Variants in GABRG3 observed in about 807,000 individuals in gnomAD.
The protein encoded by GABRG3 is gamma-aminobutyric acid receptor subunit gamma-3.
In GABRG3, 25 loss-of-function variants were observed where a neutral mutation model predicts 48.8. The observed-to-expected ratio is 0.51, with a 90% CI of 0.37 to 0.72. GABRG3 has a LOEUF of 0.72. GABRG3 is among the 30% of genes least tolerant of loss of function. The pLI, the probability that GABRG3 is intolerant of heterozygous loss-of-function variation, is 0.00. For synonymous variants in GABRG3, 227 were observed against 217.6 expected (o/e 1.04, Z -0.38); for missense variants, 394 against 577.9 (o/e 0.68, Z 3.26).
chr15:27,152,873 T>A (rs1898344123), intron 3 of GABRG3, among the ~76,000 whole-genome samples: 1 of 151,442 alleles, frequency 6.6e-6, no homozygotes, highest in Non-Finnish European at 1.5e-5. Flanking sequence ...TTTTTTTTTT[T>A]TTTTTGAGAT....
chr15:27,128,863 A>G (rs1046064951), intron 3 of GABRG3, among the ~76,000 whole-genome samples: 6 of 152,290 alleles, frequency 3.9e-5, no homozygotes, highest in South Asian at 2.1e-4. Context: ...GGTCAATTGG[A>G]TATTTTTAAT....
intron 5 of GABRG3, among the ~76,000 whole-genome samples, chr15:27,440,787 A>G (rs1253553178): frequency 2.0e-5 from 3 of 152,250 alleles, no homozygotes; most frequent in Admixed American, 2.0e-4. Flanking sequence ...AGGCAATATC[A>G]ATGGAACATA....
intron 5 of GABRG3, among the ~76,000 whole-genome samples, chr15:27,463,861 T>C (rs1397542672): frequency 6.6e-6 from 1 of 152,116 alleles, no homozygotes. Flanking sequence ...CCAACTTCTC[T>C]CTTCGCTCTT....
chr15:27,306,735 A>G (rs1466394147), intron 3 of GABRG3, among the ~76,000 whole-genome samples: 3 of 127,892 alleles, frequency 2.3e-5, no homozygotes, highest in South Asian at 4.8e-4. Context: ...TTATATATAA[A>G]CATATACAAT....
chr15:27,047,178 C>G (rs1896379930), intron 3 of GABRG3, among the ~76,000 whole-genome samples: 1 of 152,220 alleles, frequency 6.6e-6, no homozygotes, highest in Non-Finnish European at 1.5e-5. Context: ...TCTGAAGGAA[C>G]ATTCTGGCCA....
At chr15:27,037,468 T>G (rs139202593) in intron 3 of GABRG3, among the ~76,000 whole-genome samples, 185 of 152,264 alleles carry the variant, frequency 1.2e-3, no homozygotes, top group African/African-American at 4.3e-3. Flanking sequence ...TTTGTAAGGA[T>G]TCAGGGTGGG....
At chr15:27,305,643 T>A (rs1388922766) in intron 3 of GABRG3, among the ~76,000 whole-genome samples, 2 of 131,454 alleles carry the variant, frequency 1.5e-5, no homozygotes, top group African/African-American at 5.5e-5. Context: ...AACCTATATG[T>A]TTATATATAA....
intron 3 of GABRG3, among the ~76,000 whole-genome samples, chr15:27,093,022 C>G (rs1015982492): frequency 2.6e-5 from 4 of 152,058 alleles, no homozygotes; most frequent in South Asian, 2.1e-4. Context: ...CATCCCCAGT[C>G]ACTGAACCCT....
intron 2 of GABRG3, among the ~76,000 whole-genome samples, chr15:27,022,399 A>T (rs957016656): frequency 5.3e-5 from 8 of 152,166 alleles, no homozygotes; most frequent in African/African-American, 1.9e-4. Context: ...ATCTGTGCCC[A>T]CCTCAGGGGG....
intron 3 of GABRG3, among the ~76,000 whole-genome samples, chr15:27,106,888 G>GC (rs1165472431): frequency 2.0e-5 from 3 of 152,030 alleles, no homozygotes; most frequent in Admixed American, 6.5e-5. Flanking sequence ...AAACAATCTA[G>GC]CCCTATAGTC....
chr15:27,173,705 CAAAAAA>C lies in GABRG3; in HGVS notation c.270+146899_270+146904del, dbSNP rs199674664. On this transcript the variant is annotated intron_variant, in intron 3 of 9. Transcript: ENST00000615808. The stretch of plus-strand genomic sequence containing the variant: ...CAACAGAGCAAGATACTATCGCTGC[CAAAAAA>C]AAAAAAAAAAAAAATTAAACATTAG... Among the ~76,000 whole-genome samples, 494 of 73,336 alleles carry C rather than the reference CAAAAAA, an allele frequency of 6.7e-3. 1 individual carries two copies. The highest frequency in any genetic ancestry group is 0.02 in the African/African-American group (472 of 23,630). 48.1% of individuals were successfully genotyped at this position (73,336 alleles called of 152,430 possible).
chr15:27,318,093 G>T (rs1404060156), intron 3 of GABRG3, among the ~76,000 whole-genome samples: 5 of 152,178 alleles, frequency 3.3e-5, no homozygotes, highest in African/African-American at 1.2e-4. Flanking sequence ...GAGTATTAGA[G>T]TAAACCAGCC....
chr15:27,193,505 G>T (rs1227518699), intron 3 of GABRG3, among the ~76,000 whole-genome samples: 4 of 150,836 alleles, frequency 2.7e-5, no homozygotes, highest in East Asian at 2.0e-4. Context: ...GACTCCGTGG[G>T]CGTAGGACCC....
intron 3 of GABRG3, among the ~76,000 whole-genome samples, chr15:27,306,683 T>C (rs188270259): frequency 0.037 from 2,845 of 77,288 alleles, 403 homozygotes; most frequent in African/African-American, 0.13. Flanking sequence ...TAAACATATA[T>C]ATGAACATGT....
intron 3 of GABRG3, among the ~76,000 whole-genome samples, chr15:27,064,343 G>A (rs1441822791): frequency 1.3e-5 from 2 of 152,148 alleles, no homozygotes; most frequent in African/African-American, 4.8e-5. Context: ...CTCCAGGCCC[G>A]GCGGTAAGGC....
chr15:27,374,038 T>C (rs1019069711), intron 5 of GABRG3, among the ~76,000 whole-genome samples: 2 of 152,100 alleles, frequency 1.3e-5, no homozygotes, highest in African/African-American at 4.8e-5. Flanking sequence ...TCTTTAGTTT[T>C]TTAAGAATTC....
At chr15:27,320,946 C>A (rs1409922481) in intron 3 of GABRG3, among the ~76,000 whole-genome samples, 1 of 152,156 alleles carries the variant, frequency 6.6e-6, no homozygotes, top group Non-Finnish European at 1.5e-5. Flanking sequence ...TCAGGGGAGC[C>A]ACGTGCCCCT....
chr15:27,249,515 G>T (rs1748703427), intron 3 of GABRG3, among the ~76,000 whole-genome samples: 1 of 152,178 alleles, frequency 6.6e-6, no homozygotes, highest in Admixed American at 6.5e-5. Context: ...ATGGGCAGCT[G>T]CCCCCGGTTA....
intron 6 of GABRG3, among the ~76,000 whole-genome samples, chr15:27,491,943 AT>A (rs1252674159): frequency 6.6e-6 from 1 of 152,114 alleles, no homozygotes; most frequent in Non-Finnish European, 1.5e-5. Context: ...TACAGAATTA[AT>A]TTTTTAGTCA....
Sources: gnomAD v4.1 joint callset for allele counts (sites outside exome capture counted in the v4.1 genomes callset) on GRCh38, gnomAD v4.1.1 for gene constraint, MANE v1.5 for transcripts, NCBI Gene and HGNC (gene_info 2026-07-23, HGNC 2026-07-21) for gene names.